Variants in BRD7 observed in about 807,000 individuals in gnomAD.
BRD7 encodes bromodomain containing 7.
A neutral mutation model predicts 82.1 loss-of-function variants in BRD7; 15 were observed. The observed-to-expected ratio is 0.18, with a 90% CI of 0.12 to 0.28. The LOEUF (loss-of-function observed/expected upper bound fraction) is 0.28. BRD7 is among the 10% of genes least tolerant of loss of function. BRD7 has a pLI of 1.00. For synonymous variants in BRD7, 232 were observed against 266.9 expected (o/e 0.87, Z 1.27); for missense variants, 638 against 779.9 (o/e 0.82, Z 2.17).
intron 8 of BRD7, among the ~76,000 whole-genome samples, chr16:50,332,257 G>A (rs183670032): frequency 0.019 from 2,405 of 124,242 alleles, 64 homozygotes; most frequent in African/African-American, 0.076. Context: ...GACTAACTAC[G>A]CATCCAATAA....
At chr16:50,330,070 ATC>A (rs750051530) in intron 8 of BRD7, among the ~76,000 whole-genome samples, 2 of 152,178 alleles carry the variant, frequency 1.3e-5, no homozygotes, top group Non-Finnish European at 2.9e-5. Context: ...TTTGGGAAGA[ATC>A]TCTGTTTTTC....
At chr16:50,356,343 GA>G (rs2038730894) in intron 2 of BRD7, among the ~76,000 whole-genome samples, 1 of 152,166 alleles carries the variant, frequency 6.6e-6, no homozygotes, top group Admixed American at 6.5e-5. Context: ...ACTTGTAAGA[GA>G]TTACTGCAGC....
chr16:50,320,445 A>G, intron 14 of BRD7, 54 bp from the exon 15 acceptor site: 1 of 1,588,570 alleles, frequency 6.3e-7, no homozygotes, highest in South Asian at 1.1e-5. Flanking sequence ...AGTAAACCGA[A>G]TCCTAGGCTC....
Position 50,329,881 on chromosome 16 carries a change from CAT to C in BRD7, c.1012-1139_1012-1138del, listed in dbSNP as rs201429317. The stretch of plus-strand genomic sequence containing the variant: ...GCTATTTGGGCTATACATATACACA[CAT>C]ATGTCTACTGTTTTAACGCCGCTGT... On this transcript the variant is annotated intron_variant, in intron 8 of 16. Transcript: ENST00000394688. Among the ~76,000 whole-genome samples, 1,027 of 152,354 alleles carry C rather than the reference CAT, an allele frequency of 6.7e-3. 14 individuals are homozygous for C. The highest frequency in any genetic ancestry group is 0.023 in the African/African-American group (963 of 41,574).
intron 11 of BRD7, among the ~76,000 whole-genome samples, chr16:50,324,455 A>G (rs2037251477): frequency 1.3e-5 from 2 of 151,930 alleles, no homozygotes; most frequent in Admixed American, 1.3e-4. Context: ...CTTCCATCTC[A>G]CTGAGAATGA....
chr16:50,360,468 T>C (rs898922463), intron 2 of BRD7, among the ~76,000 whole-genome samples: 4 of 152,230 alleles, frequency 2.6e-5, no homozygotes, highest in African/African-American at 9.6e-5. Context: ...CACATCATTT[T>C]TGGCCCTAGG....
chr16:50,341,177 T>TACAC (rs57755008), intron 5 of BRD7, among the ~76,000 whole-genome samples: 17,072 of 136,826 alleles, frequency 0.12, 1,240 homozygotes, highest in Non-Finnish European at 0.17. Context: ...AGACCTTAAG[T>TACAC]ACACACACAC....
At chr16:50,332,461 A>G (rs897154443) in intron 8 of BRD7, among the ~76,000 whole-genome samples, 2 of 152,192 alleles carry the variant, frequency 1.3e-5, no homozygotes, top group African/African-American at 2.4e-5. Context: ...ATAAGATACC[A>G]TATTATATCA....
intron 2 of BRD7, among the ~76,000 whole-genome samples, chr16:50,367,803 T>A (rs1456507936): frequency 6.6e-6 from 1 of 152,238 alleles, no homozygotes; most frequent in East Asian, 1.9e-4. Flanking sequence ...TGAGCATGAC[T>A]TTTTACCCTG....
intron 11 of BRD7, among the ~76,000 whole-genome samples, chr16:50,324,375 G>A (rs1458632466): frequency 1.3e-5 from 2 of 152,118 alleles, no homozygotes; most frequent in African/African-American, 4.8e-5. Context: ...TTCTCCAAGA[G>A]TAGCCAGGGT....
chr16:50,358,477 C>G (rs1247845253), intron 2 of BRD7, among the ~76,000 whole-genome samples: 1 of 128,720 alleles, frequency 7.8e-6, no homozygotes, highest in Non-Finnish European at 1.6e-5. Context: ...GCCTGGGCAA[C>G]AGAGCCAGAT....
intron 2 of BRD7, among the ~76,000 whole-genome samples, chr16:50,363,668 CGCGCGT>C (rs1172535524): frequency 5.6e-5 from 3 of 53,876 alleles, no homozygotes; most frequent in African/African-American, 1.1e-4. Flanking sequence ...TGTGCGCGCG[CGCGCGT>C]GCGCGTGTGC....
At chr16:50,355,737 A>G (rs1181575382) in intron 2 of BRD7, among the ~76,000 whole-genome samples, 4 of 152,246 alleles carry the variant, frequency 2.6e-5, no homozygotes, top group Non-Finnish European at 5.9e-5. Flanking sequence ...AACTTCAGAT[A>G]AAAGAAAAGC....
In BRD7 at chr16:50,323,592, C is replaced by T. The variant is rs762822206; in HGVS notation, c.1438G>A (p.Glu480Lys). ...GGHSRTLQEMEMSLPEDEGHT... is the reference protein window; with the variant it reads ...GGHSRTLQEMKMSLPEDEGHT... ...TTCATTAGCAGTGTTCTTACCATCT[C>T]CATCTCTTGTAGGGTCCTGGAATGC... Residue 480 changes from glutamate (E) to lysine (K), a missense_variant, in exon 12 of 17, where the codon GAG becomes AAG. Physicochemically the swap from Glu to Lys is moderately conservative, Grantham distance 56. Around this residue, in one of 3 missense-constraint regions of BRD7, gnomAD observed 402 missense variants for 500.8 expected, o/e 0.80. Coordinates refer to ENST00000394688, the MANE Select transcript of BRD7 (RefSeq NM_013263.5). 14 of 1,602,936 alleles carry T rather than the reference C, an allele frequency of 8.7e-6. No individual in the cohort carries two copies. In the African/African-American group the frequency reaches 1.7e-4, roughly 20 times the overall value.
intron 2 of BRD7, among the ~76,000 whole-genome samples, chr16:50,358,952 C>G (rs1416973627): frequency 6.6e-6 from 1 of 152,194 alleles, no homozygotes; most frequent in Non-Finnish European, 1.5e-5. Flanking sequence ...CTCAGTTTCC[C>G]ATCTGTACAA....
At chr16:50,346,657 G>C (rs1468557945) in intron 5 of BRD7, among the ~76,000 whole-genome samples, 2 of 152,150 alleles carry the variant, frequency 1.3e-5, no homozygotes, top group Non-Finnish European at 2.9e-5. Flanking sequence ...AAATAAACTA[G>C]AAAATCTAGA....
chr16:50,318,450 G>C lies in BRD7; in HGVS notation c.*761C>G, dbSNP rs543404612. 6.6e-6 allele frequency: 1 copy of C among 152,234 alleles called. No individual in the cohort carries two copies. Among genetic ancestry groups the C allele is most frequent in the East Asian group, 1.9e-4 (1 of 5,182 alleles). The allele number at this position is 152,234 out of a possible 1,614,324, so 9.4% of individuals were successfully genotyped here. A position where few individuals can be genotyped will look rare whatever the true frequency, so the allele number is the denominator to read the frequency against. ...TGATTTTTTTCCCTTGTGTATAACA[G>C]GTTCTATACCGATTCAGCAAAATCA... On this transcript the variant is annotated 3_prime_UTR_variant, in exon 17 of 17. Transcript: ENST00000394688.
intron 2 of BRD7, among the ~76,000 whole-genome samples, chr16:50,364,975 A>C (rs529232939): frequency 2.6e-5 from 4 of 152,344 alleles, no homozygotes; most frequent in African/African-American, 9.6e-5. Context: ...TAAGAGACAA[A>C]GGTTGATAAG....
intron 2 of BRD7, among the ~76,000 whole-genome samples, chr16:50,367,615 T>C (rs2039196685): frequency 6.6e-6 from 1 of 152,216 alleles, no homozygotes; most frequent in South Asian, 2.1e-4. Flanking sequence ...TCAATCTCCA[T>C]TACAGGTTTC....
Sources: gnomAD v4.1 joint callset for allele counts (sites outside exome capture counted in the v4.1 genomes callset) on GRCh38, gnomAD v4.1.1 for gene constraint, gnomAD v4.1.1 regional missense constraint, MANE v1.5 for transcripts, NCBI Gene and HGNC (gene_info 2026-07-23, HGNC 2026-07-21) for gene names.